Variants in ANKRD44 observed in about 807,000 individuals in gnomAD.
ANKRD44 encodes the protein ankyrin repeat domain 44, also known as serine/threonine-protein phosphatase 6 regulatory ankyrin repeat subunit B.
Under a neutral mutation model 116.0 loss-of-function variants are expected in ANKRD44, and 35 were observed. The ratio of observed to expected loss-of-function variants is 0.30; its 90% CI spans 0.23 to 0.40. ANKRD44 has a LOEUF of 0.40. Among genes scored for constraint, ANKRD44 ranks in the 10% least tolerant of loss-of-function variants. The pLI is 1.00. For missense variants in ANKRD44, 1,014 were observed against 1,242.6 expected, an observed-to-expected ratio of 0.82 and a Z score of 2.77; for synonymous variants, 435 against 461.8, an observed-to-expected ratio of 0.94 and a Z score of 0.74.
At chr2:197,126,482 G>A (rs924868017) in intron 4 of ANKRD44, among the ~76,000 whole-genome samples, 3 of 152,142 alleles carry the variant, frequency 2.0e-5, no homozygotes, top group Non-Finnish European at 2.9e-5. Flanking sequence ...TGGTCAAGAC[G>A]GGAAGTAACA....
chr2:197,006,893 C>A (rs1360142793), intron 20 of ANKRD44, among the ~76,000 whole-genome samples: 1 of 152,046 alleles, frequency 6.6e-6, no homozygotes, highest in Non-Finnish European at 1.5e-5. Context: ...TCACTTGAGC[C>A]CAGCAGTTTG....
intron 16 of ANKRD44, among the ~76,000 whole-genome samples, chr2:197,047,899 G>C (rs1384260193): frequency 1.3e-5 from 2 of 149,384 alleles, no homozygotes; most frequent in Non-Finnish European, 3.0e-5. Context: ...AACACAGTGA[G>C]ACTCCGCAAA....
chr2:197,037,710 G>A (rs1357719556), intron 16 of ANKRD44, among the ~76,000 whole-genome samples: 1 of 152,194 alleles, frequency 6.6e-6, no homozygotes, highest in East Asian at 1.9e-4. Flanking sequence ...GGCCAACGTG[G>A]GAGGATCACT....
At chr2:197,020,107 C>T (rs1027471483) in intron 17 of ANKRD44, among the ~76,000 whole-genome samples, 1 of 152,166 alleles carries the variant, frequency 6.6e-6, no homozygotes, top group Non-Finnish European at 1.5e-5. Context: ...TGAGCCACCA[C>T]ATCCGGCCAC....
chr2:197,006,506 A>T (rs184596597), intron 20 of ANKRD44, among the ~76,000 whole-genome samples: 1 of 152,272 alleles, frequency 6.6e-6, no homozygotes, highest in East Asian at 1.9e-4. Flanking sequence ...AATCAGGAAG[A>T]TCTAAGTGAA....
intron 17 of ANKRD44, among the ~76,000 whole-genome samples, chr2:197,018,400 C>A (rs1173659932): frequency 1.3e-5 from 2 of 152,148 alleles, no homozygotes; most frequent in South Asian, 4.1e-4. Flanking sequence ...TGCATGTCCC[C>A]CTCTGGGCCA....
At chr2:197,013,814 A>G in intron 17 of ANKRD44, 102 bp from the exon 18 acceptor site, 1 of 1,164,692 alleles carries the variant, frequency 8.6e-7, no homozygotes, top group Non-Finnish European at 1.3e-6. Context: ...GATAGAGACC[A>G]CTCCCAAGAG....
intron 4 of ANKRD44, chr2:197,136,374 T>C (rs1278451021): frequency 1.8e-6 from 1 of 571,356 alleles, no homozygotes; most frequent in Non-Finnish European, 3.1e-6. Flanking sequence ...TTCAGGATCA[T>C]GCTGTCCATG....
Position 197,276,240 on chromosome 2 carries a change from A to C in ANKRD44, c.27+34338T>G, listed in dbSNP as rs997018097. Among the ~76,000 whole-genome samples, 10 of 146,488 alleles carry C rather than the reference A, an allele frequency of 6.8e-5. No individual in the cohort carries two copies. The East Asian group carries it at 2.0e-3, about 30-fold the overall frequency. ...CAGGGGGCTGAAATCATGCCACCGC[A>C]CTCCAGCATGAGCAAAAAGAGCGAA... is the stretch of plus-strand genomic sequence containing the variant. On this transcript the variant is annotated intron_variant, in intron 1 of 27. Transcript: ENST00000282272.
At chr2:197,152,239 C>A (rs2079671466) in intron 2 of ANKRD44, among the ~76,000 whole-genome samples, 1 of 152,080 alleles carries the variant, frequency 6.6e-6, no homozygotes, top group South Asian at 2.1e-4. Flanking sequence ...TCTGTGATGA[C>A]CAATAGTTGA....
intron 7 of ANKRD44, among the ~76,000 whole-genome samples, chr2:197,122,131 C>G (rs2078871453): frequency 6.6e-6 from 1 of 152,030 alleles, no homozygotes; most frequent in Admixed American, 6.6e-5. Context: ...GCCCTGGATG[C>G]CTGGTTTCCT....
intron 1 of ANKRD44, among the ~76,000 whole-genome samples, chr2:197,258,270 CT>C (rs71395680): frequency 0.011 from 894 of 79,118 alleles, no homozygotes; most frequent in African/African-American, 0.018. Context: ...TTGGCTAATC[CT>C]TTTTTTTTTT....
chr2:197,014,392 T>C (rs897544100), intron 17 of ANKRD44, among the ~76,000 whole-genome samples: 1 of 152,202 alleles, frequency 6.6e-6, no homozygotes, highest in Non-Finnish European at 1.5e-5. Flanking sequence ...TTTCTTCCCC[T>C]GATTACAATG....
intron 2 of ANKRD44, among the ~76,000 whole-genome samples, chr2:197,169,070 C>T (rs1333861646): frequency 1.3e-5 from 2 of 152,184 alleles, no homozygotes; most frequent in Admixed American, 6.5e-5. Flanking sequence ...CTTGTCTCCT[C>T]TCCAACTTCC....
At chr2:197,132,277 C>T (rs1368423812) in intron 4 of ANKRD44, among the ~76,000 whole-genome samples, 1 of 152,190 alleles carries the variant, frequency 6.6e-6, no homozygotes, top group African/African-American at 2.4e-5. Flanking sequence ...AAACACAAGA[C>T]AGCCTGGTCA....
In ANKRD44 at chr2:197,083,391, C is replaced by T. The variant is rs767545068; in HGVS notation, c.1435G>A (p.Ala479Thr). The change falls in exon 14 of 28, where the codon GCT becomes ACT. Residue 479 changes from alanine to threonine, a missense_variant. Ala to Thr is a moderately conservative substitution (Grantham distance 58). Coordinates refer to ENST00000282272, the MANE Select transcript of ANKRD44 (RefSeq NM_001195144.2). Reference protein sequence around the residue: ...DWGRTALHYAAASDMDRNKTI... With the variant: ...DWGRTALHYATASDMDRNKTI... ...TACTTTCTATCCATGTCTGATGCAG[C>T]GGCGTAATGCAAAGCTGTGCGTCCC... 15 of 1,612,986 alleles carry T rather than the reference C, an allele frequency of 9.3e-6. No individual in the cohort carries two copies. Among genetic ancestry groups the T allele is most frequent in the East Asian group, 2.2e-5 (1 of 44,856 alleles).
chr2:197,102,084 A>C (rs1574459178), intron 9 of ANKRD44, among the ~76,000 whole-genome samples: 1 of 152,170 alleles, frequency 6.6e-6, no homozygotes, highest in Admixed American at 6.5e-5. Flanking sequence ...AAAAACAAAA[A>C]AAAATCCCCC....
intron 10 of ANKRD44, among the ~76,000 whole-genome samples, chr2:197,098,295 A>G (rs2078209951): frequency 6.6e-6 from 1 of 152,204 alleles, no homozygotes; most frequent in Admixed American, 6.5e-5. Flanking sequence ...ATAAACCATT[A>G]TATCCTACCA....
rs761215963 is a variant in ANKRD44, at chr2:196,998,924, C to G, written c.2648G>C (p.Gly883Ala). The change falls in exon 24 of 28, where the codon GGG (glycine) becomes GCG (alanine). Residue 883 changes from glycine to alanine, a missense_variant. Physicochemically the swap from Gly to Ala is moderately conservative, Grantham distance 60 (BLOSUM62 0). Transcript: ENST00000282272. Reference protein sequence around the residue: ...KTALMMAAENGQAGAVDILVN... With the variant: ...KTALMMAAENAQAGAVDILVN... ...GCACATACCCACAGCGCCTGCCTGC[C>G]CATTCTCAGCAGCCATCATCAGTGC... 3 of 1,614,164 alleles carry G rather than the reference C, an allele frequency of 1.9e-6. No individual in the cohort carries two copies. The highest frequency in any genetic ancestry group is 2.5e-6 in the Non-Finnish European group (3 of 1,180,006).
Sources: allele counts gnomAD v4.1 joint callset (sites outside exome capture counted in the v4.1 genomes callset), GRCh38; gene constraint gnomAD v4.1.1; transcripts MANE v1.5; gene names NCBI Gene and HGNC (gene_info 2026-07-23, HGNC 2026-07-21).